Variants in CD209 observed in about 807,000 individuals in gnomAD.
CD209 encodes CD209 antigen.
Under a neutral mutation model 44.7 loss-of-function variants are expected in CD209, and 31 were observed. The ratio of observed to expected loss-of-function variants is 0.69; its 90% CI spans 0.52 to 0.94. The LOEUF (loss-of-function observed/expected upper bound fraction) is 0.94. Ranked by LOEUF, CD209 falls within the 40% of genes least tolerant of loss-of-function variation. The probability of loss-of-function intolerance (pLI) is 0.00; values close to 1 mark genes in which losing one functional copy is unlikely to be tolerated. For missense variants in CD209, 407 were observed against 452.4 expected (o/e 0.90, Z 0.91); for synonymous variants, 173 against 181.3 (o/e 0.95, Z 0.37).
chr19:7,745,660 T>G lies in CD209; in HGVS notation c.606A>C (p.Ala202=). The G allele has an allele frequency of 3.2e-6, 2 of 627,738 alleles. No individual in the cohort carries two copies. The highest frequency in any genetic ancestry group is 5.8e-5 in the Admixed American group (2 of 34,592). The allele number at this position is 627,738 out of a possible 1,614,324, so 38.9% of individuals were successfully genotyped here. A position where few individuals can be genotyped will look rare whatever the true frequency, so the allele number is the denominator to read the frequency against. Residue 202 remains alanine, a synonymous_variant, in exon 4 of 7, where the codon GCA becomes GCC. Transcript: ENST00000315599. The part of the protein sequence containing the change: ...IYQELTRLKA[A]VGELPEKSKQ... Reference sequence around the variant, plus strand: ...TAGATTTCTCTGGAAGCTCACCCACTGCAGCCTTCAGCCGGGTCAGCTCCT... The same window carrying G: ...TAGATTTCTCTGGAAGCTCACCCACGGCAGCCTTCAGCCGGGTCAGCTCCT...
intron 5 of CD209, among the ~76,000 whole-genome samples, chr19:7,744,557 T>A (rs376760827): frequency 2.2e-4 from 33 of 152,340 alleles, no homozygotes; most frequent in Middle Eastern, 3.4e-3. Context: ...TAACTGCTGG[T>A]CATGCACATC....
chr19:7,744,411 A>G (rs2033730123), intron 5 of CD209, among the ~76,000 whole-genome samples, 192 bp from the exon 6 acceptor site: 1 of 152,218 alleles, frequency 6.6e-6, no homozygotes, highest in African/African-American at 2.4e-5. Flanking sequence ...ACATGCACAC[A>G]TCCATGCACA....
At position 7,741,931 on chromosome 19, in the gene CD209, G is replaced by C; in HGVS notation, c.*1108C>G. The C allele has an allele frequency of 4.8e-6, 2 of 417,764 alleles. No homozygotes were observed. The highest frequency in any genetic ancestry group is 4.1e-5 in the South Asian group (2 of 48,510). The allele number at this position is 417,764 out of a possible 1,614,324, so 25.9% of individuals were successfully genotyped here. ...GAAATGGGGAATCCGAAAGGAAAAG[G>C]AAGAAATCTCACTAGCACATGTCAA... On this transcript the variant is annotated 3_prime_UTR_variant, in exon 7 of 7. Coordinates refer to ENST00000315599, the MANE Select transcript of CD209 (RefSeq NM_021155.4).
chr19:7,741,506 A>G lies in CD209; in HGVS notation c.*1533T>C. The G allele has an allele frequency of 1.8e-6, 1 of 558,734 alleles. No individual in the cohort carries two copies. The highest frequency in any genetic ancestry group is 3.5e-6 in the Non-Finnish European group (1 of 286,270). 34.6% of individuals were successfully genotyped at this position (558,734 alleles called of 1,614,324 possible). A position where few individuals can be genotyped will look rare whatever the true frequency, so the allele number is the denominator to read the frequency against. ...ACCCCATCTTTAAAAAAAAATAGTA[A>G]TTAAAAAATAACGTGGGGAGAGTGA... On this transcript the variant is annotated 3_prime_UTR_variant, in exon 7 of 7. Transcript: ENST00000315599.
Position 7,747,443 on chromosome 19 carries a change from C to A in CD209, c.46+23G>T, listed in dbSNP as rs377651911. 3 of 1,614,088 alleles carry A rather than the reference C, an allele frequency of 1.9e-6. No individual in the cohort carries two copies. The African/African-American group carries it at 4.0e-5, about 22-fold the overall frequency. On this transcript the variant is annotated intron_variant, in intron 1 of 6. Transcript: ENST00000315599. ...CCATCCCTTCCCCCTTCCCAGAATCCCAGCGTCCCAACCCAGCCTCACCCA... is the reference window on the plus strand; with the variant it reads ...CCATCCCTTCCCCCTTCCCAGAATCACAGCGTCCCAACCCAGCCTCACCCA...
intron 6 of CD209, among the ~76,000 whole-genome samples, chr19:7,743,767 T>C (rs73493968): frequency 0.036 from 5,518 of 152,258 alleles, 260 homozygotes; most frequent in African/African-American, 0.11. Flanking sequence ...CCAGCTGTGA[T>C]GTGTCCTCTC....
At chr19:7,746,698 C>T (rs1421747565) in intron 2 of CD209, among the ~76,000 whole-genome samples, 167 bp from the exon 3 acceptor site, 1 of 151,786 alleles carries the variant, frequency 6.6e-6, no homozygotes, top group East Asian at 1.9e-4. Flanking sequence ...CCCCAGGACC[C>T]AGGGACCCCG....
rs2033881555 is a variant in CD209 at position 7,747,481 on chromosome 19, G to T, written c.31C>A (p.Gln11Lys). The T allele has an allele frequency of 6.2e-7, 1 of 1,614,098 alleles. No homozygotes were observed. The highest frequency in any genetic ancestry group is 1.3e-5 in the African/African-American group (1 of 74,926). Residue 11 changes from glutamine to lysine, a missense_variant, in exon 1 of 7, where the codon CAG (glutamine) becomes AAG (lysine). Transcript: ENST00000315599. ...CCAGCCTCACCCAGGAGGCCCAGCT[G>T]CTGCAGTCTTGGTTCCTTGGAGTCA... The part of the protein sequence containing the change: MSDSKEPRLQ[Q>K]LGLLEEEQLR...
chr19:7,740,641 G>A lies in CD209; in HGVS notation c.*2398C>T, dbSNP rs2146310110. On this transcript the variant is annotated 3_prime_UTR_variant, in exon 7 of 7. Transcript: ENST00000315599. ...CAACAACTAGAAAAGCTATGGGGAA[G>A]AGAGAGGCAAAGATTACATGAGGAG... The A allele has an allele frequency of 1.3e-6, 1 of 782,934 alleles. No individual in the cohort carries two copies. Among genetic ancestry groups the A allele is most frequent in the East Asian group, 2.4e-5 (1 of 41,106 alleles). 48.5% of individuals were successfully genotyped at this position (782,934 alleles called of 1,614,324 possible).
In CD209 at chr19:7,740,897, G is replaced by A; in HGVS notation, c.*2142C>T. On this transcript the variant is annotated 3_prime_UTR_variant, in exon 7 of 7. Coordinates refer to ENST00000315599, the MANE Select transcript of CD209 (RefSeq NM_021155.4). ...ATGAGTTGGAAAATGGCGCCACATG[G>A]CAAAACCCGGAACCCCCCCTTGGAT... The A allele has an allele frequency of 1.4e-6, 1 of 734,090 alleles. No individual in the cohort carries two copies. Among genetic ancestry groups the A allele is most frequent in the South Asian group, 1.5e-5 (1 of 67,150 alleles). 45.5% of individuals were successfully genotyped at this position (734,090 alleles called of 1,614,324 possible).
chr19:7,745,158 C>A, intron 4 of CD209, 66 bp from the exon 5 acceptor site: 8 of 1,589,368 alleles, frequency 5.0e-6, no homozygotes, highest in Non-Finnish European at 6.9e-6. Flanking sequence ...ACCTGCCCAG[C>A]CTTCAAGGTC....
Position 7,747,507 on chromosome 19 carries a change from C to T in CD209, c.5G>A (p.Ser2Asn). 6.2e-7 allele frequency: 1 copy of T among 1,614,190 alleles called. No individual in the cohort carries two copies. Among genetic ancestry groups the T allele is most frequent in the Middle Eastern group, 1.7e-4 (1 of 6,050 alleles). ...CTGCAGTCTTGGTTCCTTGGAGTCA[C>T]TCATGTCACCCCACTCTCCCCCAGT... is the stretch of plus-strand genomic sequence containing the variant. MSDSKEPRLQQL... is the reference protein window; with the variant it reads MNDSKEPRLQQL... Residue 2 changes from serine to asparagine, a missense_variant, in exon 1 of 7, where the codon AGT (serine) becomes AAT (asparagine). By Grantham distance (46) the Ser-to-Asn change is conservative (BLOSUM62 1). This residue lies in a region of CD209 where 122 missense variants were observed against 110.3 expected (regional missense o/e 1.11). Coordinates refer to ENST00000315599, the MANE Select transcript of CD209 (RefSeq NM_021155.4).
chr19:7,747,492 G>A lies in CD209; in HGVS notation c.20C>T (p.Pro7Leu), dbSNP rs879422136. The A allele has an allele frequency of 2.5e-6, 4 of 1,614,044 alleles. No individual in the cohort carries two copies. The highest frequency in any genetic ancestry group is 3.4e-6 in the Non-Finnish European group (4 of 1,180,040). ...CAGGAGGCCCAGCTGCTGCAGTCTT[G>A]GTTCCTTGGAGTCACTCATGTCACC... MSDSKE[P>L]RLQQLGLLEE... is the part of the protein sequence containing the mutation. The change falls in exon 1 of 7, where the codon CCA becomes CTA. Residue 7 changes from proline to leucine, a missense_variant. Coordinates refer to ENST00000315599, the MANE Select transcript of CD209 (RefSeq NM_021155.4).
rs373806865 is a variant in CD209, at chr19:7,743,042, C to T, written c.1212G>A (p.Ala404=). ...PAPATPNPPP[A] is the part of the protein sequence containing the mutation. ...CTTAAAAGGGGGTGAAGTTCTGCTA[C>T]GCAGGAGGGGGGTTTGGGGTGGCAG... Residue 404 remains alanine, a synonymous_variant, in exon 7 of 7, where the codon GCG becomes GCA. Coordinates refer to ENST00000315599, the MANE Select transcript of CD209 (RefSeq NM_021155.4). The T allele has an allele frequency of 7.3e-5, 117 of 1,608,880 alleles. No homozygotes were observed. The highest frequency in any genetic ancestry group is 8.8e-5 in the Non-Finnish European group (103 of 1,176,468).
rs1242673176 is a variant in CD209 at position 7,740,798 on chromosome 19, A to G, written c.*2241T>C. Reference sequence around the variant, plus strand: ...GGGAAGAACAGCAGAGGAAAGAGAGAGAGGAGGAGGAACAGAAACGACAGA... The same window carrying G: ...GGGAAGAACAGCAGAGGAAAGAGAGGGAGGAGGAGGAACAGAAACGACAGA... On this transcript the variant is annotated 3_prime_UTR_variant, in exon 7 of 7. Coordinates refer to ENST00000315599, the MANE Select transcript of CD209 (RefSeq NM_021155.4). 1 of 760,264 alleles carries G rather than the reference A, an allele frequency of 1.3e-6. No homozygotes were observed. Among genetic ancestry groups the G allele is most frequent in the Non-Finnish European group, 2.5e-6 (1 of 406,952 alleles). The allele number at this position is 760,264 out of a possible 1,614,324, so 47.1% of individuals were successfully genotyped here.
chr19:7,740,407 C>A lies in CD209; in HGVS notation c.*2632G>T. 1 of 616,006 alleles carries A rather than the reference C, an allele frequency of 1.6e-6. No individual in the cohort carries two copies. Among genetic ancestry groups the A allele is most frequent in the Non-Finnish European group, 3.0e-6 (1 of 337,268 alleles). 38.2% of individuals were successfully genotyped at this position (616,006 alleles called of 1,614,324 possible). On this transcript the variant is annotated 3_prime_UTR_variant, in exon 7 of 7. Coordinates refer to ENST00000315599, the MANE Select transcript of CD209 (RefSeq NM_021155.4). Reference sequence around the variant, plus strand: ...GCTGAATCTGCGGTTACAATGTTTACCAGTTTATTATAAAGGATACAACTA... The same window carrying A: ...GCTGAATCTGCGGTTACAATGTTTAACAGTTTATTATAAAGGATACAACTA...
Position 7,740,965 on chromosome 19 carries a change from A to G in CD209, c.*2074T>C, listed in dbSNP as rs2033591471. 2.8e-6 allele frequency: 2 copies of G among 713,078 alleles called. No individual in the cohort carries two copies. The highest frequency in any genetic ancestry group is 1.5e-5 in the South Asian group (1 of 64,554). 44.2% of individuals were successfully genotyped at this position (713,078 alleles called of 1,614,324 possible). A position where few individuals can be genotyped will look rare whatever the true frequency, so the allele number is the denominator to read the frequency against. On this transcript the variant is annotated 3_prime_UTR_variant, in exon 7 of 7. Coordinates refer to ENST00000315599, the MANE Select transcript of CD209 (RefSeq NM_021155.4). ...GGATGGAGTTAATTGTCCCTTCTAC[A>G]GTAAAACAGGAGCTTGCAGATTTGG...
rs763349278 is a variant in CD209, at chr19:7,744,168, G to A, written c.952C>T (p.Leu318Phe). 6.2e-7 allele frequency: 1 copy of A among 1,614,220 alleles called. No homozygotes were observed. Among genetic ancestry groups the A allele is most frequent in the Non-Finnish European group, 8.5e-7 (1 of 1,180,034 alleles). ...GTGCCTTCCTGATTTAGATCTGAAA[G>A]TCCCATCCAGGTGAAGCGGTTACTT... ...SRSNRFTWMG[L>F]SDLNQEGTWQ... The change falls in exon 6 of 7, where the codon CTT (leucine) becomes TTT (phenylalanine). Residue 318 changes from leucine to phenylalanine, a missense_variant. Coordinates refer to ENST00000315599, the MANE Select transcript of CD209 (RefSeq NM_021155.4).
chr19:7,741,079 A>T lies in CD209; in HGVS notation c.*1960T>A. On this transcript the variant is annotated 3_prime_UTR_variant, in exon 7 of 7. Transcript: ENST00000315599. ...AGTGTTTGGAAAGGAGCAGTGCAGG[A>T]GGGATGACTATGACTCCGAAGCAAG... 1.2e-6 allele frequency: 1 copy of T among 868,360 alleles called. No homozygotes were observed. Among genetic ancestry groups the T allele is most frequent in the South Asian group, 1.4e-5 (1 of 73,194 alleles). The allele number at this position is 868,360 out of a possible 1,614,324, so 53.8% of individuals were successfully genotyped here.
Sources: gnomAD v4.1 joint callset for allele counts (sites outside exome capture counted in the v4.1 genomes callset) on GRCh38, gnomAD v4.1.1 for gene constraint, gnomAD v4.1.1 regional missense constraint, MANE v1.5 for transcripts, NCBI Gene and HGNC (gene_info 2026-07-23, HGNC 2026-07-21) for gene names.